PEX5L: variants seen among roughly 807,000 people sequenced by gnomAD.
PEX5L encodes peroxisomal biogenesis factor 5 like, also known as PEX5-related protein.
A neutral mutation model predicts 84.0 loss-of-function variants in PEX5L; 30 were observed. The observed-to-expected ratio is 0.36, with a 90% CI of 0.27 to 0.48. The LOEUF (loss-of-function observed/expected upper bound fraction) is 0.48, where lower values mean the gene tolerates loss of function less well. PEX5L is among the 20% of genes least tolerant of loss of function. The pLI is 0.99. For synonymous variants in PEX5L, 270 were observed against 283.1 expected (o/e 0.95, Z 0.46); for missense variants, 533 against 754.6 (o/e 0.71, Z 3.44).
chr3:179,984,107 A>C (rs1377524165), intron 1 of PEX5L, among the ~76,000 whole-genome samples: 1 of 152,094 alleles, frequency 6.6e-6, no homozygotes, highest in East Asian at 1.9e-4. Context: ...AAGAAATTAC[A>C]TTTCTCAAGT....
chr3:179,929,138 A>G (rs1003367192), intron 2 of PEX5L, among the ~76,000 whole-genome samples: 1 of 152,208 alleles, frequency 6.6e-6, no homozygotes, highest in Non-Finnish European at 1.5e-5. Context: ...ACCTAAACCA[A>G]GGGATAATCC....
At chr3:179,833,111 G>A (rs1223460281) in intron 8 of PEX5L, among the ~76,000 whole-genome samples, 1 of 152,202 alleles carries the variant, frequency 6.6e-6, no homozygotes, top group Non-Finnish European at 1.5e-5. Flanking sequence ...GTGGGCAGTA[G>A]GGCCAAAGAG....
intron 1 of PEX5L, among the ~76,000 whole-genome samples, chr3:180,023,771 CAGAGAGAGAG>C (rs139045124): frequency 2.9e-5 from 3 of 102,812 alleles, no homozygotes; most frequent in African/African-American, 6.0e-5. Context: ...CGCACACACA[CAGAGAGAGAG>C]AGAGAGAGAG....
chr3:180,034,061 C>T (rs1279262859), intron 1 of PEX5L, among the ~76,000 whole-genome samples: 5 of 152,140 alleles, frequency 3.3e-5, no homozygotes, highest in Non-Finnish European at 7.4e-5. Flanking sequence ...TCTGCAAAAT[C>T]ATTAAGTTGC....
intron 2 of PEX5L, among the ~76,000 whole-genome samples, chr3:179,956,221 G>A (rs1780517948): frequency 6.6e-6 from 1 of 152,088 alleles, no homozygotes; most frequent in African/African-American, 2.4e-5. Flanking sequence ...TTGAATTTTA[G>A]CACCCTCACT....
At chr3:179,867,214 T>C (rs748285389) in intron 7 of PEX5L, among the ~76,000 whole-genome samples, 3 of 152,076 alleles carry the variant, frequency 2.0e-5, no homozygotes, top group Non-Finnish European at 4.4e-5. Context: ...GTGAACAGTC[T>C]ATTATCGGGC....
At position 179,847,081 on chromosome 3, in the gene PEX5L, GTATATATA is replaced by G. The variant is rs80254022; in HGVS notation, c.822+11973_822+11980del. Among the ~76,000 whole-genome samples the G allele has an allele frequency of 8.8e-3, 929 of 105,588 alleles. 12 individuals are homozygous for G. Among genetic ancestry groups the G allele is most frequent in the African/African-American group, 0.027 (876 of 33,016 alleles). The allele number at this position is 105,588 out of a possible 152,430, so 69.3% of individuals were successfully genotyped here. A position where few individuals can be genotyped will look rare whatever the true frequency, so the allele number is the denominator to read the frequency against. ...TCCATGTGTGTGTGTGTGTGTGTGT[GTATATATA>G]TATATATATATGTATATCCACCCAC... On this transcript the variant is annotated intron_variant, in intron 8 of 14. Coordinates refer to ENST00000467460, the MANE Select transcript of PEX5L (RefSeq NM_016559.3).
chr3:179,947,802 G>A (rs1209907123), intron 2 of PEX5L, among the ~76,000 whole-genome samples: 1 of 150,202 alleles, frequency 6.7e-6, no homozygotes, highest in Admixed American at 6.6e-5. Context: ...TGCCTCCTGG[G>A]TTCATGCCAT....
At chr3:180,012,799 T>C (rs1306395001) in intron 1 of PEX5L, among the ~76,000 whole-genome samples, 3 of 152,150 alleles carry the variant, frequency 2.0e-5, no homozygotes, top group Non-Finnish European at 4.4e-5. Context: ...ACCTATATCT[T>C]ATTAGGTTGT....
chr3:179,804,509 A>G (rs1344846108), intron 14 of PEX5L: 1 of 152,184 alleles, frequency 6.6e-6, no homozygotes, highest in Non-Finnish European at 1.5e-5. Flanking sequence ...CTCTATTGAC[A>G]AAGGTGTAAC....
intron 1 of PEX5L, among the ~76,000 whole-genome samples, chr3:179,995,427 C>T (rs2110393739): frequency 6.6e-6 from 1 of 151,996 alleles, no homozygotes; most frequent in East Asian, 1.9e-4. Flanking sequence ...AAGGACTCTA[C>T]TTCTAATAAT....
At chr3:179,895,326 C>T (rs1013311313) in intron 3 of PEX5L, among the ~76,000 whole-genome samples, 1 of 152,054 alleles carries the variant, frequency 6.6e-6, no homozygotes, top group Non-Finnish European at 1.5e-5. Context: ...GTTCAGGAGC[C>T]ACATAAAGCT....
chr3:179,855,132 G>A (rs1024905861), intron 8 of PEX5L, among the ~76,000 whole-genome samples: 4 of 152,180 alleles, frequency 2.6e-5, no homozygotes, highest in Non-Finnish European at 4.4e-5. Flanking sequence ...CAAAACACCT[G>A]GAGCTCAGTA....
intron 1 of PEX5L, among the ~76,000 whole-genome samples, chr3:179,991,544 C>G (rs761534245): frequency 1.3e-5 from 2 of 152,098 alleles, no homozygotes; most frequent in Admixed American, 6.5e-5. Context: ...GGTGTTTACC[C>G]TCTGGTTCTT....
intron 1 of PEX5L, among the ~76,000 whole-genome samples, chr3:180,022,090 TAACAAA>T (rs1217937142): frequency 4.6e-5 from 7 of 152,212 alleles, no homozygotes; most frequent in Non-Finnish European, 1.0e-4. Flanking sequence ...ATATTAATTT[TAACAAA>T]ATCAGCTATG....
At chr3:180,005,555 T>C (rs1027649768) in intron 1 of PEX5L, among the ~76,000 whole-genome samples, 3 of 152,112 alleles carry the variant, frequency 2.0e-5, no homozygotes, top group African/African-American at 7.2e-5. Flanking sequence ...GGTGAAACCC[T>C]GTCTCTACTA....
intron 8 of PEX5L, among the ~76,000 whole-genome samples, chr3:179,834,616 A>C (rs565875926): frequency 6.4e-4 from 98 of 152,252 alleles, no homozygotes; most frequent in African/African-American, 2.3e-3. Flanking sequence ...CTAGGCCTAA[A>C]TGTGCTCCTA....
chr3:179,928,378 G>T (rs988773882), intron 2 of PEX5L, among the ~76,000 whole-genome samples: 1 of 152,134 alleles, frequency 6.6e-6, no homozygotes, highest in Non-Finnish European at 1.5e-5. Flanking sequence ...ATCCCTTTTG[G>T]AGGAGGTCCC....
At chr3:180,026,975 C>G (rs749790199) in intron 1 of PEX5L, among the ~76,000 whole-genome samples, 4 of 152,174 alleles carry the variant, frequency 2.6e-5, no homozygotes, top group African/African-American at 9.7e-5. Context: ...CCGGTATGAA[C>G]GTGTGGCTCA....
Sources: allele counts gnomAD v4.1 joint callset (sites outside exome capture counted in the v4.1 genomes callset), GRCh38; gene constraint gnomAD v4.1.1; transcripts MANE v1.5; gene names NCBI Gene and HGNC (gene_info 2026-07-23, HGNC 2026-07-21).